The following KMT2C variants were observed in gnomAD, a reference collection of about 807,000 sequenced individuals.
KMT2C encodes the protein lysine methyltransferase 2C, also known as histone-lysine N-methyltransferase 2C.
Under a neutral mutation model 507.9 loss-of-function variants are expected in KMT2C, and 88 were observed. The ratio of observed to expected loss-of-function variants is 0.17; its 90% CI spans 0.15 to 0.21. The LOEUF (loss-of-function observed/expected upper bound fraction) is 0.21. KMT2C is among the 10% of genes least tolerant of loss of function. The pLI, the probability that KMT2C is intolerant of heterozygous loss-of-function variation, is 1.00. For missense variants in KMT2C, 4,954 were observed against 5,957.8 expected, an observed-to-expected ratio of 0.83 and a Z score of 5.55; for synonymous variants, 2,049 against 2,080.8, an observed-to-expected ratio of 0.98 and a Z score of 0.42.
At chr7:152,307,439 G>A (rs1428792015) in intron 6 of KMT2C, among the ~76,000 whole-genome samples, 1 of 151,962 alleles carries the variant, frequency 6.6e-6, no homozygotes, top group Non-Finnish European at 1.5e-5. Flanking sequence ...TACAAATGGC[G>A]ACACAAAACT....
chr7:152,177,032 A>G lies in KMT2C; in HGVS notation c.8421T>C (p.Ser2807=), dbSNP rs2093239423. ...ATTTTTTCTGTGGTGAATGTTTATC[A>G]GAGAGAACCAGAGTTTTGTTTTCTT... ...KEQENKTLVL[S]DKHSPQKKST... is the part of the protein sequence containing the mutation. The change falls in exon 38 of 59, where the codon TCT becomes TCC. Residue 2807 remains serine, a synonymous_variant. Coordinates refer to ENST00000262189, the MANE Select transcript of KMT2C (RefSeq NM_170606.3). The G allele has an allele frequency of 6.2e-7, 1 of 1,613,178 alleles. No individual in the cohort carries two copies.
At chr7:152,399,066 C>T (rs957257954) in intron 1 of KMT2C, among the ~76,000 whole-genome samples, 5 of 151,990 alleles carry the variant, frequency 3.3e-5, no homozygotes, top group South Asian at 4.2e-4. Context: ...TGAGCTCAAG[C>T]GATCCACCCA....
chr7:152,151,466 G>C lies in KMT2C; in HGVS notation c.12642C>G (p.Phe4214Leu). 3 of 1,614,076 alleles carry C rather than the reference G, an allele frequency of 1.9e-6. No homozygotes were observed. Among genetic ancestry groups the C allele is most frequent in the Non-Finnish European group, 2.5e-6 (3 of 1,179,982 alleles). Residue 4214 changes from phenylalanine to leucine, a missense_variant, in exon 50 of 59, where the codon TTC (phenylalanine) becomes TTG (leucine). Phe to Leu is a conservative substitution (Grantham distance 22). Around this residue, in one of 29 missense-constraint regions of KMT2C, gnomAD observed 417 missense variants for 461.1 expected, o/e 0.90. Transcript: ENST00000262189. ...VILGSGVRKS[F>L]KDLTLLNKDS... ...CCTTGTTCAAAAGGGTCAGATCTTT[G>C]AAAGATTTCCGCACACCACTTCCAA...
intron 43 of KMT2C, among the ~76,000 whole-genome samples, chr7:152,161,772 G>A (rs1431690018): frequency 6.6e-6 from 1 of 152,062 alleles, no homozygotes; most frequent in African/African-American, 2.4e-5. Flanking sequence ...AGAGGTTAAT[G>A]GAAATTAATC....
chr7:152,205,125 C>A lies in KMT2C; in HGVS notation c.3942G>T (p.Gln1314His), dbSNP rs1167357237. Residue 1314 changes from glutamine to histidine, a missense_variant, in exon 25 of 59, where the codon CAG (glutamine) becomes CAT (histidine). Gln to His is a conservative substitution (Grantham distance 24). This residue lies in a region of KMT2C where 176 missense variants were observed against 262.0 expected (regional missense o/e 0.67). Coordinates refer to ENST00000262189, the MANE Select transcript of KMT2C (RefSeq NM_170606.3). The stretch of plus-strand genomic sequence containing the variant: ...CTATACCATCATCTCTGCAAGGTAA[C>A]TGCTCGGAAATAGAGCCTGAGGAAT... The part of the protein sequence containing the change: ...RKDSSGSISE[Q>H]LPCRDDGWSE... 1.4e-5 allele frequency: 23 copies of A among 1,612,230 alleles called. 1 individual carries two copies. The Admixed American group carries it at 1.8e-4, about 13-fold the overall frequency.
At chr7:152,157,231 G>C (rs986098199) in intron 44 of KMT2C, among the ~76,000 whole-genome samples, 11 of 151,424 alleles carry the variant, frequency 7.3e-5, no homozygotes, top group African/African-American at 2.4e-4. Context: ...GGTAGGTTGA[G>C]GCACTAGAAT....
At chr7:152,179,152 T>C (rs987984044) in intron 37 of KMT2C, among the ~76,000 whole-genome samples, 3 of 152,164 alleles carry the variant, frequency 2.0e-5, no homozygotes, top group Admixed American at 2.0e-4. Flanking sequence ...CCTGCCGCCA[T>C]AGCCGGCCAA....
At chr7:152,150,799 C>A (rs1393375368) in intron 51 of KMT2C, 101 bp downstream of exon 51, 1 of 802,494 alleles carries the variant, frequency 1.2e-6, no homozygotes, top group Non-Finnish European at 2.1e-6. Context: ...CCACACAGAG[C>A]TCCATGAAGG....
chr7:152,142,305 C>T (rs1462121751), intron 55 of KMT2C, among the ~76,000 whole-genome samples: 1 of 152,070 alleles, frequency 6.6e-6, no homozygotes, highest in African/African-American at 2.4e-5. Flanking sequence ...GTGTAAACTG[C>T]TAAAAATTGA....
chr7:152,240,843 A>G (rs2095369446), intron 14 of KMT2C, among the ~76,000 whole-genome samples: 1 of 152,106 alleles, frequency 6.6e-6, no homozygotes. Context: ...GGCCACCACC[A>G]TCTCTCACCT....
Position 152,177,211 on chromosome 7 carries a change from G to A in KMT2C, c.8242C>T (p.Leu2748Phe), listed in dbSNP as rs758741207. ...ATATCAAACTCTCCTGACCTTAAGA[G>A]GTCATCCAGGTTGGGATCATTAGTT... ...LETNDPNLDD[L>F]LRSGEFDIIA... is the part of the protein sequence containing the mutation. The change falls in exon 38 of 59, where the codon CTC becomes TTC. Residue 2748 changes from leucine to phenylalanine, a missense_variant. This residue lies in a region of KMT2C where 1,689 missense variants were observed against 1,654.3 expected (regional missense o/e 1.02). Transcript: ENST00000262189. The A allele has an allele frequency of 1.2e-6, 2 of 1,613,886 alleles. No homozygotes were observed. The highest frequency in any genetic ancestry group is 1.7e-6 in the Non-Finnish European group (2 of 1,179,914).
At chr7:152,432,363 T>G (rs1258979672) in intron 1 of KMT2C, among the ~76,000 whole-genome samples, 1 of 152,176 alleles carries the variant, frequency 6.6e-6, no homozygotes, top group Non-Finnish European at 1.5e-5. Context: ...TCAGAAAAAT[T>G]TTTTAACATT....
intron 1 of KMT2C, among the ~76,000 whole-genome samples, chr7:152,364,609 C>CAAA (rs568794506): frequency 1.1e-5 from 1 of 90,836 alleles, no homozygotes; most frequent in African/African-American, 4.9e-5. Flanking sequence ...ACTCCGTCTC[C>CAAA]AAAAAAAAAA....
intron 3 of KMT2C, among the ~76,000 whole-genome samples, chr7:152,328,385 G>A (rs2096850570): frequency 6.6e-6 from 1 of 152,114 alleles, no homozygotes; most frequent in African/African-American, 2.4e-5. Flanking sequence ...GCCTCTCTGG[G>A]AGGTAAGCCA....
At chr7:152,375,015 C>T (rs2097317504) in intron 1 of KMT2C, among the ~76,000 whole-genome samples, 1 of 152,064 alleles carries the variant, frequency 6.6e-6, no homozygotes, top group African/African-American at 2.4e-5. Flanking sequence ...TACAGACATA[C>T]CTCATTTTAT....
At chr7:152,206,673 A>C (rs1326458506) in intron 24 of KMT2C, among the ~76,000 whole-genome samples, 1 of 152,172 alleles carries the variant, frequency 6.6e-6, no homozygotes, top group African/African-American at 2.4e-5. Context: ...AAATTTTTTA[A>C]ATAAATACAT....
In KMT2C at chr7:152,148,286, G is replaced by C. The variant is rs929166699; in HGVS notation, c.13641C>G (p.Thr4547=). The change falls in exon 52 of 59, where the codon ACC becomes ACG. Residue 4547 remains threonine, a synonymous_variant. Transcript: ENST00000262189. This position sits in a 1 kb window ranked among gnomAD's most constrained non-coding sequence, Gnocchi z 7.1. ...GGAAGATGAGGCTACCCACGCGAAA[G>C]GTATGGTCCCGTTCTCCTCGTTGCA... The part of the protein sequence containing the change: ...SIVQRGERDH[T]FRVGSLIFHT... 3.1e-6 allele frequency: 5 copies of C among 1,614,134 alleles called. No individual in the cohort carries two copies. The African/African-American group carries it at 5.3e-5, about 17-fold the overall frequency.
chr7:152,147,999 T>C, intron 52 of KMT2C, 34 bp downstream of exon 52: 1 of 1,520,474 alleles, frequency 6.6e-7, no homozygotes, highest in Non-Finnish European at 8.8e-7. Flanking sequence ...TCAGAGTAAG[T>C]AGCACTGCAC....
intron 24 of KMT2C, among the ~76,000 whole-genome samples, 182 bp from the exon 25 acceptor site, chr7:152,205,407 A>G (rs2094279286): frequency 6.6e-6 from 1 of 151,936 alleles, no homozygotes; most frequent in Non-Finnish European, 1.5e-5. Context: ...AAAAAAAAAA[A>G]AAAAAAGGCA....
Sources: allele counts gnomAD v4.1 joint callset (sites outside exome capture counted in the v4.1 genomes callset), GRCh38; gene constraint gnomAD v4.1.1; regional missense constraint gnomAD v4.1.1; non-coding constraint Gnocchi (gnomAD v3.1); transcripts MANE v1.5; gene names NCBI Gene and HGNC (gene_info 2026-07-23, HGNC 2026-07-21).